The following MYH13 variants were observed in gnomAD, a reference collection of about 807,000 sequenced individuals.
MYH13 encodes the protein myosin-13.
Under a neutral mutation model 232.1 loss-of-function variants are expected in MYH13, and 177 were observed. That is an observed-to-expected ratio of 0.76 (90% CI 0.67 to 0.86). The LOEUF is 0.86. Among genes scored for constraint, MYH13 ranks in the 40% least tolerant of loss-of-function variants. The pLI is 0.00. For synonymous variants in MYH13, 884 were observed against 923.5 expected, an observed-to-expected ratio of 0.96 and a Z score of 0.78; for missense variants, 2,246 against 2,405.9, an observed-to-expected ratio of 0.93 and a Z score of 1.39.
chr17:10,346,820 G>A (rs752441769), intron 12 of MYH13, 22 bp from the exon 13 acceptor site: 1 of 1,583,592 alleles, frequency 6.3e-7, no homozygotes, highest in Non-Finnish European at 8.7e-7. Flanking sequence ...GAAAAAAATG[G>A]CATCATGCAA....
At chr17:10,337,252 C>G (rs1334697679) in intron 18 of MYH13, among the ~76,000 whole-genome samples, 1 of 152,154 alleles carries the variant, frequency 6.6e-6, no homozygotes, top group Non-Finnish European at 1.5e-5. Flanking sequence ...GGTCTGTTGG[C>G]CTCACCATCC....
Position 10,362,259 on chromosome 17 carries a change from A to G in MYH13, c.364T>C (p.Phe122Leu), listed in dbSNP as rs764421511. ...TTGTAGGGGTTGACGGTGACACAGAAGAGGCCTGAGTAGGTCTGGGAAGAT... is the reference window on the plus strand; with the variant it reads ...TTGTAGGGGTTGACGGTGACACAGAGGAGGCCTGAGTAGGTCTGGGAAGAT... ...AWMIYTYSGL[F>L]CVTVNPYKWL... is the part of the protein sequence containing the mutation. The change falls in exon 5 of 41, where the codon TTC becomes CTC. Residue 122 changes from phenylalanine (F) to leucine (L), a missense_variant. Transcript: ENST00000252172. The G allele has an allele frequency of 1.7e-5, 27 of 1,613,712 alleles. No homozygotes were observed. Among genetic ancestry groups the G allele is most frequent in the Non-Finnish European group, 2.0e-5 (24 of 1,179,632 alleles).
At position 10,358,085 on chromosome 17, in the gene MYH13, C is replaced by G. The variant is rs1230578408; in HGVS notation, c.646-258G>C. Among the ~76,000 whole-genome samples the G allele has an allele frequency of 2.6e-5, 4 of 151,994 alleles. No homozygotes were observed. The East Asian group carries it at 7.7e-4, about 29-fold the overall frequency. ...CCAGGTTCTAGGCAGGAATATTACT[C>G]CCTCCATCAGAACATCCAGACTGCC... On this transcript the variant is annotated intron_variant, in intron 7 of 40. Transcript: ENST00000252172.
chr17:10,310,160 G>C (rs1035771853), intron 33 of MYH13, among the ~76,000 whole-genome samples: 2 of 148,610 alleles, frequency 1.3e-5, no homozygotes, highest in Non-Finnish European at 3.0e-5. Flanking sequence ...GCACAATCTC[G>C]GCTCAATGCA....
chr17:10,362,667 GT>G (rs2071803564), intron 3 of MYH13, among the ~76,000 whole-genome samples, 164 bp from the exon 4 acceptor site: 1 of 152,150 alleles, frequency 6.6e-6, no homozygotes, highest in African/African-American at 2.4e-5. Flanking sequence ...ATAAATAACA[GT>G]TCTTGAAGAA....
At chr17:10,340,086 T>G (rs1425608248) in intron 18 of MYH13, 64 bp downstream of exon 18, 2 of 1,396,152 alleles carry the variant, frequency 1.4e-6, no homozygotes, top group Non-Finnish European at 2.0e-6. Flanking sequence ...ACCCACAGAA[T>G]TTTGCATTTA....
intron 18 of MYH13, among the ~76,000 whole-genome samples, chr17:10,338,825 C>T (rs919095604): frequency 4.6e-5 from 7 of 151,938 alleles, no homozygotes; most frequent in Non-Finnish European, 8.8e-5. Context: ...CTCGGCCTCC[C>T]GAATAGCTGG....
intron 11 of MYH13, among the ~76,000 whole-genome samples, chr17:10,351,152 C>T (rs547147306): frequency 4.4e-5 from 6 of 136,278 alleles, no homozygotes; most frequent in Admixed American, 1.7e-4. Flanking sequence ...ACCTGGGAGG[C>T]GGAGGTTGGA....
At chr17:10,363,315 C>CAAAAAAAAAAAAAAA (rs11390504) in intron 3 of MYH13, among the ~76,000 whole-genome samples, 1 of 91,770 alleles carries the variant, frequency 1.1e-5, no homozygotes, top group African/African-American at 4.7e-5. Context: ...GACTCCGTCT[C>CAAAAAAAAAAAAAAA]AAAAAAAAAA....
At position 10,312,080 on chromosome 17, in the gene MYH13, G is replaced by C. The variant is rs755276429; in HGVS notation, c.4366-4C>G. 21 of 1,613,326 alleles carry C rather than the reference G, an allele frequency of 1.3e-5. No individual in the cohort carries two copies. The highest frequency in any genetic ancestry group is 3.3e-5 in the Admixed American group (2 of 60,000). On this transcript the variant is annotated splice_polypyrimidine_tract_variant and splice_region_variant and intron_variant, in intron 31 of 40. Coordinates refer to ENST00000252172, the MANE Select transcript of MYH13 (RefSeq NM_003802.3). Reference sequence around the variant, plus strand: ...TTTGCTTCCACTCTGCAAGGACCTGGGAGATGACAAAGGGACATGGGAGAA... The same window carrying C: ...TTTGCTTCCACTCTGCAAGGACCTGCGAGATGACAAAGGGACATGGGAGAA...
intron 26 of MYH13, 31 bp downstream of exon 26, chr17:10,320,122 G>T (rs1906878810): frequency 6.6e-7 from 1 of 1,522,884 alleles, no homozygotes; most frequent in Non-Finnish European, 8.9e-7. Flanking sequence ...CAAAGGGATT[G>T]TCATGATTGG....
intron 21 of MYH13, among the ~76,000 whole-genome samples, chr17:10,329,292 G>A (rs1907331752): frequency 1.3e-5 from 2 of 152,158 alleles, no homozygotes; most frequent in Admixed American, 1.3e-4. Context: ...CCCTGCAGGT[G>A]ACTAGTCATC....
intron 23 of MYH13, among the ~76,000 whole-genome samples, chr17:10,322,828 T>C (rs1907018180): frequency 6.6e-6 from 1 of 151,974 alleles, no homozygotes; most frequent in Non-Finnish European, 1.5e-5. Context: ...AGAGACGGGG[T>C]TTCACCATGT....
In MYH13 at chr17:10,321,524, A is replaced by G. The variant is rs762370132; in HGVS notation, c.3111+8T>C. On this transcript the variant is annotated splice_region_variant and intron_variant, in intron 24 of 40. Coordinates refer to ENST00000252172, the MANE Select transcript of MYH13 (RefSeq NM_003802.3). The stretch of plus-strand genomic sequence containing the variant: ...AAATGCTAAAGCATAGTAGTAAAAT[A>G]TCCTCACATCATCTGTTTGCTGTTC... The G allele has an allele frequency of 1.9e-6, 3 of 1,609,552 alleles. No individual in the cohort carries two copies. In the South Asian group the frequency reaches 3.3e-5, roughly 18 times the overall value.
At chr17:10,318,281 G>A (rs1906789284) in intron 27 of MYH13, among the ~76,000 whole-genome samples, 1 of 152,198 alleles carries the variant, frequency 6.6e-6, no homozygotes, top group African/African-American at 2.4e-5. Flanking sequence ...TGATCTTGAT[G>A]CTTTGGTCTG....
chr17:10,351,829 T>G (rs1264234515), intron 11 of MYH13, among the ~76,000 whole-genome samples: 2 of 152,326 alleles, frequency 1.3e-5, no homozygotes, highest in East Asian at 3.9e-4. Flanking sequence ...GTTTGCAGCC[T>G]GAGCCTGTAG....
chr17:10,354,651 A>G (rs751650361), intron 11 of MYH13, 29 bp downstream of exon 11: 19 of 1,585,144 alleles, frequency 1.2e-5, no homozygotes, highest in Middle Eastern at 2.0e-4. Flanking sequence ...AATTCTGTGC[A>G]TAAACAGACA....
In MYH13 at chr17:10,303,295, C is replaced by T. The variant is rs1372474669; in HGVS notation, c.5572-4G>A. 1 of 1,614,070 alleles carries T rather than the reference C, an allele frequency of 6.2e-7. No individual in the cohort carries two copies. Among genetic ancestry groups the T allele is most frequent in the Non-Finnish European group, 8.5e-7 (1 of 1,179,984 alleles). On this transcript the variant is annotated splice_region_variant and splice_polypyrimidine_tract_variant and intron_variant, in intron 38 of 40. Transcript: ENST00000252172. ...TATTCTTGTGGTCCTCCTCAGCCTG[C>T]AAACAGAGTACACGTGGCAGGGGCC...
intron 27 of MYH13, among the ~76,000 whole-genome samples, chr17:10,318,350 C>A (rs766892867): frequency 6.6e-6 from 1 of 151,986 alleles, no homozygotes; most frequent in Non-Finnish European, 1.5e-5. Flanking sequence ...GGGGGTGGGG[C>A]TTTTGGGAGG....
Sources: gnomAD v4.1 joint callset for allele counts (sites outside exome capture counted in the v4.1 genomes callset) on GRCh38, gnomAD v4.1.1 for gene constraint, MANE v1.5 for transcripts, NCBI Gene and HGNC (gene_info 2026-07-23, HGNC 2026-07-21) for gene names.